Variants in PKP2 observed in about 807,000 individuals in gnomAD.
PKP2 encodes plakophilin 2, also known as plakophilin-2.
A neutral mutation model predicts 83.4 loss-of-function variants in PKP2; 73 were observed. That is an observed-to-expected ratio of 0.88 (90% CI 0.72 to 1.06). PKP2 has a LOEUF of 1.06. Among genes scored for constraint, PKP2 ranks in the 50% least tolerant of loss-of-function variants. PKP2 has a pLI of 0.00. For synonymous variants in PKP2, 409 were observed against 430.4 expected (o/e 0.95, Z 0.62); for missense variants, 966 against 1,065.4 (o/e 0.91, Z 1.30).
intron 6 of PKP2, among the ~76,000 whole-genome samples, chr12:32,836,185 C>T (rs1343995948): frequency 6.6e-6 from 1 of 152,154 alleles, no homozygotes; most frequent in Non-Finnish European, 1.5e-5. Context: ...ATCCCTATTG[C>T]AAAATCTGCA....
At chr12:32,814,277 C>T (rs75972068) in intron 9 of PKP2, among the ~76,000 whole-genome samples, 61 of 152,284 alleles carry the variant, frequency 4.0e-4, no homozygotes, top group African/African-American at 1.4e-3. Flanking sequence ...GCCTTCTCCA[C>T]CTCCTATTCA....
At chr12:32,873,923 T>C (rs1056312532) in intron 3 of PKP2, among the ~76,000 whole-genome samples, 2 of 152,194 alleles carry the variant, frequency 1.3e-5, no homozygotes, top group Non-Finnish European at 2.9e-5. Context: ...TCATAAATCA[T>C]GGTTTTAGAA....
chr12:32,884,971 C>G (rs756353915), intron 1 of PKP2, among the ~76,000 whole-genome samples: 4 of 152,084 alleles, frequency 2.6e-5, no homozygotes, highest in Non-Finnish European at 5.9e-5. Flanking sequence ...GGAAATATTT[C>G]AAATTAACAT....
chr12:32,859,461 T>TCG (rs888533609), intron 4 of PKP2, among the ~76,000 whole-genome samples: 1 of 151,428 alleles, frequency 6.6e-6, no homozygotes, highest in African/African-American at 2.4e-5. Flanking sequence ...ACTTTTTTTT[T>TCG]TGTGTGTGTG....
intron 1 of PKP2, among the ~76,000 whole-genome samples, chr12:32,882,778 A>T (rs1374434443): frequency 6.6e-6 from 1 of 152,158 alleles, no homozygotes; most frequent in Admixed American, 6.5e-5. Context: ...CTGTTTATAA[A>T]TAGGGAAACT....
chr12:32,804,570 C>T (rs1042719095), intron 9 of PKP2, among the ~76,000 whole-genome samples: 3 of 152,208 alleles, frequency 2.0e-5, no homozygotes, highest in Non-Finnish European at 4.4e-5. Context: ...TCTGTTCCTA[C>T]ATTAGTTTGC....
Position 32,850,785 on chromosome 12 carries a change from C to T in PKP2, c.1359G>A (p.Glu453=), listed in dbSNP as rs1158553343. The change falls in exon 5 of 13, where the codon GAG becomes GAA. Residue 453 remains glutamate, a synonymous_variant. Coordinates refer to ENST00000340811, the MANE Select transcript of PKP2 (RefSeq NM_001005242.3). ...CACTACCTGTTATTTGTTTTTTAGT[C>T]TCCAAGTCTCTGGTTTGCTTCAGCA... ...LQVLKQTRDL[E]TKKQITGLLW... is the part of the protein sequence containing the mutation. The T allele has an allele frequency of 1.2e-6, 2 of 1,612,722 alleles. No individual in the cohort carries two copies. Among genetic ancestry groups the T allele is most frequent in the African/African-American group, 1.3e-5 (1 of 74,984 alleles).
chr12:32,823,062 T>C (rs750067215), intron 7 of PKP2, among the ~76,000 whole-genome samples: 1 of 152,122 alleles, frequency 6.6e-6, no homozygotes, highest in Non-Finnish European at 1.5e-5. Context: ...TTTTCAGAGG[T>C]AGACAGCACA....
At chr12:32,815,833 A>C (rs1168340005) in intron 9 of PKP2, among the ~76,000 whole-genome samples, 1 of 152,196 alleles carries the variant, frequency 6.6e-6, no homozygotes, top group African/African-American at 2.4e-5. Context: ...ACAGCATGGC[A>C]AAATTTCACT....
chr12:32,868,905 A>G (rs764352754), intron 4 of PKP2, 22 bp downstream of exon 4: 5 of 1,611,034 alleles, frequency 3.1e-6, no homozygotes, highest in Non-Finnish European at 4.2e-6. Context: ...GCGCTTTGCA[A>G]TGGACTGAAG....
chr12:32,868,935 G>C lies in PKP2; in HGVS notation c.1162C>G (p.Arg388Gly), dbSNP rs766209297. The change falls in exon 4 of 13, where the codon CGG (arginine) becomes GGG (glycine). Residue 388 changes from arginine to glycine, a missense_variant. Arg to Gly is a moderately radical substitution (Grantham distance 125). Coordinates refer to ENST00000340811, the MANE Select transcript of PKP2 (RefSeq NM_001005242.3). ...QHECFQKSEA[R>G]KRVNQLRGIL... ...CTGAAGATGACACTCACCCTCTTCC[G>C]AGCTTCAGATTTCTGGAAGCACTCG... is the stretch of plus-strand genomic sequence containing the variant. The C allele has an allele frequency of 6.2e-7, 1 of 1,613,036 alleles. No homozygotes were observed. The highest frequency in any genetic ancestry group is 1.7e-5 in the Admixed American group (1 of 60,012).
At chr12:32,876,660 G>T (rs1436179700) in intron 3 of PKP2, among the ~76,000 whole-genome samples, 1 of 152,072 alleles carries the variant, frequency 6.6e-6, no homozygotes, top group Admixed American at 6.6e-5. Flanking sequence ...CTCTCGAGTA[G>T]TTAGGACCAC....
At chr12:32,883,061 A>G (rs1271284412) in intron 1 of PKP2, among the ~76,000 whole-genome samples, 2 of 152,266 alleles carry the variant, frequency 1.3e-5, no homozygotes, top group African/African-American at 4.8e-5. Context: ...CTTAGAAGAA[A>G]GCTGCTTCTT....
chr12:32,822,500 T>C lies in PKP2; in HGVS notation c.1806A>G (p.Gly602=), dbSNP rs750738012. 1.9e-6 allele frequency: 3 copies of C among 1,614,184 alleles called. No homozygotes were observed. The highest frequency in any genetic ancestry group is 2.5e-6 in the Non-Finnish European group (3 of 1,180,038). Reference sequence around the variant, plus strand: ...CTTTCCTGCTTCGACTGCCAAAACATCCAATACTTTTGTTGTTGTCAGTCT... The same window carrying C: ...CTTTCCTGCTTCGACTGCCAAAACACCCAATACTTTTGTTGTTGTCAGTCT... ...NIQTDNNKSI[G]CFGSRSRKVK... The change falls in exon 8 of 13, where the codon GGA becomes GGG. Residue 602 remains glycine (G), a synonymous_variant. Coordinates refer to ENST00000340811, the MANE Select transcript of PKP2 (RefSeq NM_001005242.3).
intron 4 of PKP2, among the ~76,000 whole-genome samples, chr12:32,858,107 ATATATATATTTATATATATTT>A (rs1956769439): frequency 9.8e-6 from 1 of 101,714 alleles, no homozygotes; most frequent in African/African-American, 3.8e-5. Flanking sequence ...ATATATATAT[ATATATATATTTATATATATTT>A]TATATTTATA....
rs534779858 is a variant in PKP2, at chr12:32,890,181, C to T, written c.223+6328G>A. On this transcript the variant is annotated intron_variant, in intron 1 of 12. Transcript: ENST00000340811. ...TACTATCATTCTTTTATCTGTATGG[C>T]TTGTGTATTTATCTGTAATATTTTG... is the stretch of plus-strand genomic sequence containing the variant. Among the ~76,000 whole-genome samples the T allele has an allele frequency of 2.7e-5, 4 of 150,054 alleles. No homozygotes were observed. In the East Asian group the frequency reaches 7.8e-4, roughly 29 times the overall value.
chr12:32,821,967 G>C (rs1956384108), intron 8 of PKP2, among the ~76,000 whole-genome samples: 1 of 152,190 alleles, frequency 6.6e-6, no homozygotes, highest in Non-Finnish European at 1.5e-5. Context: ...GATACTCAGA[G>C]AAGGAGGGGA....
chr12:32,792,648 T>C lies in PKP2; in HGVS notation c.2441A>G (p.Lys814Arg). The C allele has an allele frequency of 6.2e-7, 1 of 1,613,196 alleles. No homozygotes were observed. Among genetic ancestry groups the C allele is most frequent in the Non-Finnish European group, 8.5e-7 (1 of 1,179,102 alleles). ...ATTCCTTGTTCATGTTCTTACCTTC[T>C]TGTAGGCATGATGCAGTTCCGTGTG... ...WAHTELHHAY[K>R]KAQFKKTDFV... is the part of the protein sequence containing the mutation. Residue 814 changes from lysine to arginine, a missense_variant, in exon 12 of 13, where the codon AAG becomes AGG. By Grantham distance (26) the Lys-to-Arg change is conservative. Coordinates refer to ENST00000340811, the MANE Select transcript of PKP2 (RefSeq NM_001005242.3).
chr12:32,837,584 T>G (rs1956554888), intron 6 of PKP2, among the ~76,000 whole-genome samples: 2 of 152,226 alleles, frequency 1.3e-5, no homozygotes, highest in Admixed American at 6.5e-5. Context: ...GGCTATATTC[T>G]GCTTTTGGAA....
Sources: gnomAD v4.1 joint callset for allele counts (sites outside exome capture counted in the v4.1 genomes callset) on GRCh38, gnomAD v4.1.1 for gene constraint, MANE v1.5 for transcripts, NCBI Gene and HGNC (gene_info 2026-07-23, HGNC 2026-07-21) for gene names.